The following MYO1E variants were observed in gnomAD, a reference collection of about 807,000 sequenced individuals.
The protein encoded by MYO1E is myosin IE.
Under a neutral mutation model 151.1 loss-of-function variants are expected in MYO1E, and 68 were observed. That is an observed-to-expected ratio of 0.45 (90% CI 0.37 to 0.55). MYO1E has a LOEUF of 0.55. Ranked by LOEUF, MYO1E falls within the 20% of genes least tolerant of loss-of-function variation. MYO1E has a pLI of 0.00. For synonymous variants in MYO1E, 601 were observed against 501.7 expected (o/e 1.20, Z -2.64); for missense variants, 1,363 against 1,389.3 (o/e 0.98, Z 0.30).
intron 14 of MYO1E, chr15:59,208,144 T>C: frequency 6.9e-7 from 1 of 1,441,394 alleles, no homozygotes; most frequent in Non-Finnish European, 9.3e-7. Context: ...CAGGATTATA[T>C]AACGAAATTT....
At chr15:59,354,590 T>C (rs1164532400) in intron 1 of MYO1E, among the ~76,000 whole-genome samples, 1 of 152,058 alleles carries the variant, frequency 6.6e-6, no homozygotes, top group African/African-American at 2.4e-5. Context: ...TGAACCTAAA[T>C]GTGATAATAA....
chr15:59,174,920 C>G (rs1326195575), intron 19 of MYO1E, among the ~76,000 whole-genome samples: 1 of 152,104 alleles, frequency 6.6e-6, no homozygotes, highest in Non-Finnish European at 1.5e-5. Context: ...TCTTGAGAGT[C>G]CGGCCATTTT....
chr15:59,147,595 T>TTAAAAAAA lies in MYO1E; in HGVS notation c.3080+5994_3080+5995insTTTTTTTA, dbSNP rs1566963989. On this transcript the variant is annotated intron_variant, in intron 26 of 27. Coordinates refer to ENST00000288235, the MANE Select transcript of MYO1E (RefSeq NM_004998.4). ...CTGGGTGACAGAGTGAGACTCTGTC[T>TTAAAAAAA]CAAAAAAAAAAAAAAAAAAACAATA... Among the ~76,000 whole-genome samples the TTAAAAAAA allele has an allele frequency of 3.0e-3, 18 of 5,972 alleles. 1 individual carries two copies. The highest frequency in any genetic ancestry group is 7.6e-3 in the African/African-American group (17 of 2,230). 3.9% of individuals were successfully genotyped at this position (5,972 alleles called of 152,430 possible). A position where few individuals can be genotyped will look rare whatever the true frequency, so the allele number is the denominator to read the frequency against.
intron 1 of MYO1E, among the ~76,000 whole-genome samples, chr15:59,352,173 A>G (rs1386471976): frequency 6.6e-6 from 1 of 152,226 alleles, no homozygotes; most frequent in Admixed American, 6.5e-5. Context: ...AGAATTGTCC[A>G]GGAGAAAAGT....
At chr15:59,216,679 T>TATACACAC (rs2079919270) in intron 10 of MYO1E, among the ~76,000 whole-genome samples, 2 of 29,878 alleles carry the variant, frequency 6.7e-5, no homozygotes, top group Admixed American at 4.6e-4. Flanking sequence ...TATATATATA[T>TATACACAC]ATATATACAC....
chr15:59,203,144 T>A (rs1238175425), intron 15 of MYO1E, among the ~76,000 whole-genome samples: 1 of 152,018 alleles, frequency 6.6e-6, no homozygotes, highest in East Asian at 1.9e-4. Flanking sequence ...TAGAGCAGAG[T>A]TTCTGAGTCT....
chr15:59,205,829 G>A (rs1176101918), intron 14 of MYO1E, among the ~76,000 whole-genome samples: 1 of 152,134 alleles, frequency 6.6e-6, no homozygotes, highest in African/African-American at 2.4e-5. Flanking sequence ...GTGTCTAAGT[G>A]ACATACTCAA....
chr15:59,173,893 C>T lies in MYO1E; in HGVS notation c.2187G>A (p.Lys729=). The T allele has an allele frequency of 6.2e-7, 1 of 1,614,120 alleles. No individual in the cohort carries two copies. The highest frequency in any genetic ancestry group is 8.5e-7 in the Non-Finnish European group (1 of 1,180,016). Residue 729 remains lysine, a synonymous_variant, in exon 21 of 28, where the codon AAG becomes AAA. Coordinates refer to ENST00000288235, the MANE Select transcript of MYO1E (RefSeq NM_004998.4). The stretch of plus-strand genomic sequence containing the variant: ...TAATACTGTTTCTCCTTCTCTCCTT[C>T]TTGTTCAATAAGAGGTCTGAGGCTA... ...REEASDLLLN[K]KERRRNSINR...
chr15:59,327,118 C>T lies in MYO1E; in HGVS notation c.3+45380G>A, dbSNP rs533523327. Among the ~76,000 whole-genome samples, 8 of 151,838 alleles carry T rather than the reference C, an allele frequency of 5.3e-5. No homozygotes were observed. The East Asian group carries it at 1.2e-3, about 22-fold the overall frequency. ...ATACCATCTCCCTTTATGGGTAAGG[C>T]GTTTTCTCACTTGACTCTTCCACAG... On this transcript the variant is annotated intron_variant, in intron 1 of 27. Transcript: ENST00000288235.
chr15:59,286,256 G>T (rs1261364365), intron 1 of MYO1E, among the ~76,000 whole-genome samples: 1 of 152,128 alleles, frequency 6.6e-6, no homozygotes, highest in Non-Finnish European at 1.5e-5. Context: ...TGCAAAATAC[G>T]CATTATTTAT....
rs761155048 is a variant in MYO1E, at chr15:59,158,249, A to G, written c.2878+38T>C. On this transcript the variant is annotated intron_variant, in intron 25 of 27. Coordinates refer to ENST00000288235, the MANE Select transcript of MYO1E (RefSeq NM_004998.4). ...CATATTTTATAAGTTATGGGTCCAG[A>G]TTTAGTGGTCCCAGACTACGGTACG... 1.9e-5 allele frequency: 28 copies of G among 1,461,504 alleles called. No homozygotes were observed. The East Asian group carries it at 6.9e-4, about 36-fold the overall frequency. 90.5% of individuals were successfully genotyped at this position (1,461,504 alleles called of 1,614,324 possible). A position where few individuals can be genotyped will look rare whatever the true frequency, so the allele number is the denominator to read the frequency against.
Position 59,163,224 on chromosome 15 carries a change from G to C in MYO1E, c.2560C>G (p.Leu854Val), listed in dbSNP as rs1486452813. Residue 854 changes from leucine to valine, a missense_variant, in exon 23 of 28, where the codon CTA (leucine) becomes GTA (valine). Transcript: ENST00000288235. The stretch of plus-strand genomic sequence containing the variant: ...TCGTAACGCTTTGCTAAGAGGCTTA[G>C]GAATTCAGTTTTGAAGACAGATTCA... Reference protein sequence around the residue: ...LLESVFKTEFLSLLAKRYEEK... With the variant: ...LLESVFKTEFVSLLAKRYEEK... 6.2e-7 allele frequency: 1 copy of C among 1,614,146 alleles called. No homozygotes were observed. The highest frequency in any genetic ancestry group is 1.7e-5 in the Admixed American group (1 of 60,018).
At chr15:59,311,798 A>G (rs2080553982) in intron 1 of MYO1E, among the ~76,000 whole-genome samples, 1 of 152,188 alleles carries the variant, frequency 6.6e-6, no homozygotes, top group African/African-American at 2.4e-5. Flanking sequence ...TCATAAATAA[A>G]TGGATGCTGT....
In MYO1E at chr15:59,350,478, G is replaced by C. The variant is rs1030420327; in HGVS notation, c.3+22020C>G. On this transcript the variant is annotated intron_variant, in intron 1 of 27. Coordinates refer to ENST00000288235, the MANE Select transcript of MYO1E (RefSeq NM_004998.4). This position sits in a 1 kb window ranked among gnomAD's most constrained non-coding sequence, Gnocchi z 5.0. ...CTCTATCATTGAATAAACCAGAAAA[G>C]ACACAGGAGAATGTAGTGTCTGCCC... Among the ~76,000 whole-genome samples the C allele has an allele frequency of 6.6e-6, 1 of 152,164 alleles. No homozygotes were observed. The highest frequency in any genetic ancestry group is 1.5e-5 in the Non-Finnish European group (1 of 68,026).
chr15:59,263,572 T>C (rs1286574319), intron 2 of MYO1E, among the ~76,000 whole-genome samples: 1 of 152,208 alleles, frequency 6.6e-6, no homozygotes, highest in Non-Finnish European at 1.5e-5. Flanking sequence ...GATAATATTT[T>C]AGATTATTGT....
chr15:59,317,233 C>T (rs1459332800), intron 1 of MYO1E, among the ~76,000 whole-genome samples: 5 of 152,328 alleles, frequency 3.3e-5, no homozygotes, highest in African/African-American at 1.2e-4. Flanking sequence ...CCTCATAGAG[C>T]TTACAGTCCA....
chr15:59,270,363 G>A (rs2080281973), intron 2 of MYO1E, among the ~76,000 whole-genome samples: 1 of 151,746 alleles, frequency 6.6e-6, no homozygotes, highest in African/African-American at 2.4e-5. Context: ...ACCAGCCTGG[G>A]CAACATGGTG....
intron 1 of MYO1E, among the ~76,000 whole-genome samples, chr15:59,325,329 C>T (rs1297877659): frequency 6.6e-6 from 1 of 152,178 alleles, no homozygotes; most frequent in African/African-American, 2.4e-5. Flanking sequence ...GCCACAGTGC[C>T]CGGCCAATTG....
intron 1 of MYO1E, among the ~76,000 whole-genome samples, chr15:59,286,890 C>T (rs146109098): frequency 6.6e-6 from 1 of 151,902 alleles, no homozygotes; most frequent in Non-Finnish European, 1.5e-5. Context: ...ACAGAGATCT[C>T]AGACCACAGC....
Sources: allele counts gnomAD v4.1 joint callset (sites outside exome capture counted in the v4.1 genomes callset), GRCh38; gene constraint gnomAD v4.1.1; non-coding constraint Gnocchi (gnomAD v3.1); transcripts MANE v1.5; gene names NCBI Gene and HGNC (gene_info 2026-07-23, HGNC 2026-07-21).